Variants in UTRN observed in about 807,000 individuals in gnomAD.
UTRN encodes the protein dystrophin-related protein 1.
In UTRN, 283 loss-of-function variants were observed where a neutral mutation model predicts 463.9. The observed-to-expected ratio is 0.61, with a 90% CI of 0.55 to 0.67. The LOEUF (loss-of-function observed/expected upper bound fraction) is 0.67. Among genes scored for constraint, UTRN ranks in the 30% least tolerant of loss-of-function variants. The pLI, the probability that UTRN is intolerant of heterozygous loss-of-function variation, is 0.00. For synonymous variants in UTRN, 1,442 were observed against 1,431.5 expected, an observed-to-expected ratio of 1.01 and a Z score of -0.17; for missense variants, 3,922 against 4,084.3, an observed-to-expected ratio of 0.96 and a Z score of 1.08.
chr6:144,651,479 C>T (rs894644030), intron 51 of UTRN, among the ~76,000 whole-genome samples: 6 of 152,104 alleles, frequency 3.9e-5, no homozygotes, highest in African/African-American at 1.2e-4. Context: ...TGACACAGGT[C>T]GTTTGATTTC....
rs371503228 is a variant in UTRN at position 144,699,578 on chromosome 6, C to T, written c.7653-509C>T. Reference sequence around the variant, plus strand: ...GCTAAAATTAGGTATTTACTGTGCTCTTAGTGGTTATTTTCCTCTCTCTCT... The same window carrying T: ...GCTAAAATTAGGTATTTACTGTGCTTTTAGTGGTTATTTTCCTCTCTCTCT... On this transcript the variant is annotated intron_variant, in intron 52 of 74. Coordinates refer to ENST00000367545, the MANE Select transcript of UTRN (RefSeq NM_007124.3). 5.2e-4 allele frequency among the ~76,000 whole-genome samples: 65 copies of T among 123,810 alleles called. 2 individuals carry two copies. The highest frequency in any genetic ancestry group is 1.9e-3 in the African/African-American group (62 of 32,808). 81.2% of individuals were successfully genotyped at this position (123,810 alleles called of 152,430 possible). A position where few individuals can be genotyped will look rare whatever the true frequency, so the allele number is the denominator to read the frequency against.
At chr6:144,744,264 G>A (rs1246964932) in intron 54 of UTRN, among the ~76,000 whole-genome samples, 8 of 147,358 alleles carry the variant, frequency 5.4e-5, no homozygotes, top group Non-Finnish European at 1.0e-4. Context: ...TTCAGCTGGG[G>A]CAACAGAGCA....
intron 51 of UTRN, among the ~76,000 whole-genome samples, chr6:144,580,244 G>GTGCTGGTGA (rs1801839696): frequency 1.3e-5 from 2 of 152,028 alleles, no homozygotes; most frequent in Admixed American, 6.6e-5. Context: ...GGTGCTGGTG[G>GTGCTGGTGA]TGCACAGTCT....
chr6:144,788,544 C>A (rs894953942), intron 61 of UTRN, among the ~76,000 whole-genome samples: 1 of 150,618 alleles, frequency 6.6e-6, no homozygotes, highest in African/African-American at 2.4e-5. Flanking sequence ...CAATTATTAA[C>A]GTATAGGTTT....
Position 144,503,674 on chromosome 6 carries a change from C to T in UTRN, c.4764+4247C>T, listed in dbSNP as rs538726310. The stretch of plus-strand genomic sequence containing the variant: ...GTAGCCTGATAGTGTAGTTTGAAGT[C>T]AGCTGGATGCCTCCAGCTTTGTTCT... On this transcript the variant is annotated intron_variant, in intron 34 of 74. Transcript: ENST00000367545. Among the ~76,000 whole-genome samples, 11 of 151,434 alleles carry T rather than the reference C, an allele frequency of 7.3e-5. No homozygotes were observed. In the East Asian group the frequency reaches 1.9e-3, roughly 27 times the overall value.
chr6:144,656,723 T>G (rs1329759922), intron 51 of UTRN, among the ~76,000 whole-genome samples: 3 of 152,230 alleles, frequency 2.0e-5, no homozygotes, highest in Non-Finnish European at 4.4e-5. Context: ...TATTAGATAT[T>G]TAGCTATTTG....
intron 23 of UTRN, among the ~76,000 whole-genome samples, chr6:144,466,800 G>A (rs1413881837): frequency 1.3e-5 from 2 of 152,144 alleles, no homozygotes; most frequent in African/African-American, 2.4e-5. Flanking sequence ...CCTGCCCTAT[G>A]TATAACTGGG....
rs373828221 is a variant in UTRN, at chr6:144,716,135, T to G, written c.7810-14222T>G. Reference sequence around the variant, plus strand: ...GTTCAGAGGTTATCTTTTCTCTATCTTAATACTGCCTAAATTTTCAACTCA... The same window carrying G: ...GTTCAGAGGTTATCTTTTCTCTATCGTAATACTGCCTAAATTTTCAACTCA... On this transcript the variant is annotated intron_variant, in intron 53 of 74. Transcript: ENST00000367545. Among the ~76,000 whole-genome samples, 20 of 152,310 alleles carry G rather than the reference T, an allele frequency of 1.3e-4. No homozygotes were observed. The East Asian group carries it at 2.1e-3, about 16-fold the overall frequency.
At chr6:144,495,268 G>C (rs1046634306) in intron 33 of UTRN, among the ~76,000 whole-genome samples, 1 of 152,214 alleles carries the variant, frequency 6.6e-6, no homozygotes, top group East Asian at 1.9e-4. Context: ...CAGGAATGGC[G>C]GGCTGCAGGT....
At chr6:144,726,613 A>G (rs1434030552) in intron 53 of UTRN, among the ~76,000 whole-genome samples, 1 of 152,208 alleles carries the variant, frequency 6.6e-6, no homozygotes, top group Non-Finnish European at 1.5e-5. Context: ...TTTGCATAGT[A>G]GAAGGTGCCA....
chr6:144,748,370 G>C lies in UTRN; in HGVS notation c.8064G>C (p.Lys2688Asn). 1 of 1,613,868 alleles carries C rather than the reference G, an allele frequency of 6.2e-7. No individual in the cohort carries two copies. The highest frequency in any genetic ancestry group is 8.5e-7 in the Non-Finnish European group (1 of 1,179,922). Residue 2688 changes from lysine (K) to asparagine (N), a missense_variant, in exon 55 of 75, where the codon AAG becomes AAC. Around this residue, in one of 3 missense-constraint regions of UTRN, gnomAD observed 1,309 missense variants for 1,452.6 expected, o/e 0.90. Transcript: ENST00000367545. ...GCAATTGGCAAAAGCAAGTGGACAAGGCATTGGAGAAACTCAGAGACCTGC... is the reference window on the plus strand; with the variant it reads ...GCAATTGGCAAAAGCAAGTGGACAACGCATTGGAGAAACTCAGAGACCTGC... ...VTSNWQKQVD[K>N]ALEKLRDLQG...
chr6:144,417,793 G>A (rs950401999), intron 3 of UTRN, among the ~76,000 whole-genome samples: 7 of 152,118 alleles, frequency 4.6e-5, no homozygotes, highest in African/African-American at 1.4e-4. Flanking sequence ...TACAACAAAA[G>A]GTAGTTAATT....
At chr6:144,449,752 C>T (rs758380734) in intron 17 of UTRN, among the ~76,000 whole-genome samples, 12 of 152,112 alleles carry the variant, frequency 7.9e-5, no homozygotes, top group Non-Finnish European at 1.5e-4. Context: ...TCAGCAATAA[C>T]GACTTGTGCC....
At chr6:144,639,787 C>A (rs1161833905) in intron 51 of UTRN, among the ~76,000 whole-genome samples, 2 of 152,002 alleles carry the variant, frequency 1.3e-5, no homozygotes, top group African/African-American at 4.8e-5. Flanking sequence ...CTGTCTGTGC[C>A]ATGTTGCTGT....
At chr6:144,613,235 A>G (rs1427894983) in intron 51 of UTRN, among the ~76,000 whole-genome samples, 4 of 152,044 alleles carry the variant, frequency 2.6e-5, no homozygotes, top group Non-Finnish European at 4.4e-5. Context: ...GGAAGGGGAA[A>G]TTGTTGATCA....
chr6:144,812,922 A>T (rs1022873830), intron 65 of UTRN, among the ~76,000 whole-genome samples: 1 of 152,134 alleles, frequency 6.6e-6, no homozygotes, highest in Admixed American at 6.5e-5. Flanking sequence ...CGGCTACTTA[A>T]TAGCAGTACA....
intron 14 of UTRN, among the ~76,000 whole-genome samples, chr6:144,446,710 A>G (rs1787729643): frequency 6.6e-6 from 1 of 152,154 alleles, no homozygotes. Context: ...CTTGAATGCT[A>G]GTGTGGATTT....
intron 51 of UTRN, among the ~76,000 whole-genome samples, chr6:144,605,393 G>A (rs1804735474): frequency 6.6e-6 from 1 of 152,034 alleles, no homozygotes; most frequent in Admixed American, 6.6e-5. Context: ...AATTAGGATA[G>A]AATAGAACTA....
chr6:144,340,441 T>C (rs1173822575), intron 2 of UTRN, among the ~76,000 whole-genome samples: 1 of 152,230 alleles, frequency 6.6e-6, no homozygotes, highest in Admixed American at 6.5e-5. Flanking sequence ...TTTGTGGGGC[T>C]GATGCTGCTG....
Sources: allele counts gnomAD v4.1 joint callset (sites outside exome capture counted in the v4.1 genomes callset), GRCh38; gene constraint gnomAD v4.1.1; regional missense constraint gnomAD v4.1.1; transcripts MANE v1.5; gene names NCBI Gene and HGNC (gene_info 2026-07-23, HGNC 2026-07-21).